EPS8: variants seen among roughly 807,000 people sequenced by gnomAD.
The protein encoded by EPS8 is epidermal growth factor receptor kinase substrate 8.
In EPS8, 42 loss-of-function variants were observed where a neutral mutation model predicts 103.8. The observed-to-expected ratio is 0.40, with a 90% CI of 0.32 to 0.52. The LOEUF (loss-of-function observed/expected upper bound fraction) is 0.52, where lower values mean the gene tolerates loss of function less well. EPS8 is among the 20% of genes least tolerant of loss of function. The pLI, the probability that EPS8 is intolerant of heterozygous loss-of-function variation, is 0.40. For synonymous variants in EPS8, 344 were observed against 344.6 expected (o/e 1.00, Z 0.02); for missense variants, 969 against 1,005.1 (o/e 0.96, Z 0.49).
At chr12:15,770,876 A>G in intron 1 of EPS8, among the ~76,000 whole-genome samples, 1 of 152,322 alleles carries the variant, frequency 6.6e-6, no homozygotes, top group African/African-American at 2.4e-5. Context: ...AAGATGCAAG[A>G]AAAAATTCAT....
At chr12:15,639,803 A>T (rs2135751787) in intron 17 of EPS8, among the ~76,000 whole-genome samples, 1 of 152,318 alleles carries the variant, frequency 6.6e-6, no homozygotes, top group South Asian at 2.1e-4. Context: ...TAACTATTTC[A>T]CTGCATATTC....
At chr12:15,657,845 C>A in intron 12 of EPS8, 1 of 450,698 alleles carries the variant, frequency 2.2e-6, no homozygotes, top group Admixed American at 3.9e-5. Flanking sequence ...TTTTCATATC[C>A]CTAGCACTGT....
At chr12:15,622,745 G>C (rs1396612982) in intron 20 of EPS8, among the ~76,000 whole-genome samples, 1 of 151,524 alleles carries the variant, frequency 6.6e-6, no homozygotes, top group Non-Finnish European at 1.5e-5. Flanking sequence ...CACACAGCCA[G>C]GGTTTTACAA....
intron 15 of EPS8, among the ~76,000 whole-genome samples, chr12:15,642,759 A>G (rs1265440264): frequency 6.6e-6 from 1 of 152,188 alleles, no homozygotes; most frequent in East Asian, 1.9e-4. Flanking sequence ...TAAAGTTGCC[A>G]TTCTTTTTGC....
At chr12:15,685,453 G>A (rs1271016658) in intron 1 of EPS8, among the ~76,000 whole-genome samples, 2 of 152,034 alleles carry the variant, frequency 1.3e-5, no homozygotes, top group African/African-American at 2.4e-5. Flanking sequence ...TCTGGTTTGC[G>A]TTTTAAAACC....
intron 8 of EPS8, among the ~76,000 whole-genome samples, chr12:15,663,050 A>G (rs1023523184): frequency 6.6e-6 from 1 of 151,744 alleles, no homozygotes; most frequent in Non-Finnish European, 1.5e-5. Context: ...ATGAAACTTA[A>G]TTAGCGGCTG....
At position 15,631,442 on chromosome 12, in the gene EPS8, G is replaced by C. The variant is rs771713111; in HGVS notation, c.2044C>G (p.Arg682Gly). Residue 682 changes from arginine (R) to glycine (G), a missense_variant and splice_region_variant, in exon 18 of 21, where the codon CGA becomes GGA. Arg to Gly is a moderately radical substitution (Grantham distance 125, BLOSUM62 -2). Coordinates refer to ENST00000281172, the MANE Select transcript of EPS8 (RefSeq NM_004447.6). ...SQRHKQLPVDRRKSQMEEVQD... is the reference protein window; with the variant it reads ...SQRHKQLPVDGRKSQMEEVQD... ...TTTTTTGCCTCCCTGGGAAACTTAC[G>C]GTCCACCGGAAGTTGTTTGTGTCTC... 2.5e-6 allele frequency: 4 copies of C among 1,613,726 alleles called. No individual in the cohort carries two copies. The South Asian group carries it at 4.4e-5, about 18-fold the overall frequency.
At chr12:15,718,227 C>T (rs1946554374) in intron 1 of EPS8, among the ~76,000 whole-genome samples, 1 of 152,110 alleles carries the variant, frequency 6.6e-6, no homozygotes, top group African/African-American at 2.4e-5. Flanking sequence ...TCCAATACCC[C>T]AGAACATTTT....
Position 15,771,259 on chromosome 12 carries a change from G to C in EPS8, c.-22+17902C>G, listed in dbSNP as rs1473817538. Among the ~76,000 whole-genome samples the C allele has an allele frequency of 1.3e-5, 2 of 152,216 alleles. No homozygotes were observed. Among genetic ancestry groups the C allele is most frequent in the African/African-American group, 4.8e-5 (2 of 41,450 alleles). ...GGAAAACTGAAGTATACAGATGAAA[G>C]TGTATAGTACCTCACTTTGGCTAAT... On this transcript the variant is annotated intron_variant, in intron 1 of 20. Transcript: ENST00000281172. This position sits in a 1 kb window ranked among gnomAD's most constrained non-coding sequence, Gnocchi z 4.6.
At chr12:15,692,319 GTTT>G (rs56016545) in intron 1 of EPS8, among the ~76,000 whole-genome samples, 81,222 of 121,590 alleles carry the variant, frequency 0.67, 25,887 homozygotes, top group East Asian at 0.83. Context: ...AAGAGGTTTG[GTTT>G]TTTTTTTTTT....
rs1252701074 is a variant in EPS8, at chr12:15,728,884, G to GA, written c.-21-45913dup. Reference sequence around the variant, plus strand: ...TGAAAAGACAAGCCACAGACTAGCAGAAAATATTTGTAAATCCATCTTTTT... The same window carrying GA: ...TGAAAAGACAAGCCACAGACTAGCAGAAAAATATTTGTAAATCCATCTTTTT... On this transcript the variant is annotated intron_variant, in intron 1 of 20. Coordinates refer to ENST00000281172, the MANE Select transcript of EPS8 (RefSeq NM_004447.6). The surrounding 1 kb of genome is among the most constrained non-coding windows in gnomAD (Gnocchi z 4.5). 1.3e-5 allele frequency among the ~76,000 whole-genome samples: 2 copies of GA among 152,164 alleles called. No homozygotes were observed. Among genetic ancestry groups the GA allele is most frequent in the Non-Finnish European group, 2.9e-5 (2 of 68,018 alleles).
intron 9 of EPS8, 40 bp from the exon 10 acceptor site, chr12:15,660,780 T>A: frequency 8.2e-7 from 1 of 1,221,364 alleles, no homozygotes; most frequent in Non-Finnish European, 1.2e-6. Context: ...AAAACAAAAC[T>A]ATTTTTACCT....
At chr12:15,766,160 T>C (rs1394312096) in intron 1 of EPS8, among the ~76,000 whole-genome samples, 2 of 151,448 alleles carry the variant, frequency 1.3e-5, no homozygotes, top group Non-Finnish European at 2.9e-5. Flanking sequence ...CAGTTTGTTT[T>C]AGTGTTTAAA....
intron 1 of EPS8, among the ~76,000 whole-genome samples, chr12:15,699,220 AAAT>A (rs1374342661): frequency 6.6e-6 from 1 of 152,240 alleles, no homozygotes; most frequent in Non-Finnish European, 1.5e-5. Context: ...CAGCTATTGG[AAAT>A]AATAAAAACT....
At position 15,621,262 on chromosome 12, in the gene EPS8, C is replaced by G. The variant is rs1446798946; in HGVS notation, c.*55G>C. On this transcript the variant is annotated 3_prime_UTR_variant, in exon 21 of 21. Coordinates refer to ENST00000281172, the MANE Select transcript of EPS8 (RefSeq NM_004447.6). ...ACATTCCCTTCAAGGCTTCTTAAAA[C>G]AAAGCATGTTGGAATAATGCCAAAA... 4 of 891,928 alleles carry G rather than the reference C, an allele frequency of 4.5e-6. No individual in the cohort carries two copies. 55.3% of individuals were successfully genotyped at this position (891,928 alleles called of 1,614,324 possible).
At chr12:15,641,669 TA>T in intron 16 of EPS8, 52 bp downstream of exon 16, 1 of 811,866 alleles carries the variant, frequency 1.2e-6, no homozygotes, top group South Asian at 1.8e-5. Flanking sequence ...ACCAAAAGAG[TA>T]ATACAATAAA....
chr12:15,665,756 A>G lies in EPS8; in HGVS notation c.736T>C (p.Phe246Leu), dbSNP rs200403894. ...WSAWAADQGD[F>L]EKPRQYHEQE... is the part of the protein sequence containing the mutation. ...AAGTATTAATTCTAGGAAGACTCACAGTCCCCTTGGTCGGCTGCCCATGCA... is the reference window on the plus strand; with the variant it reads ...AAGTATTAATTCTAGGAAGACTCACGGTCCCCTTGGTCGGCTGCCCATGCA... The change falls in exon 8 of 21, where the codon TTT becomes CTT. Residue 246 changes from phenylalanine to leucine, a missense_variant and splice_region_variant. Phe to Leu is a conservative substitution (Grantham distance 22, BLOSUM62 0). Coordinates refer to ENST00000281172, the MANE Select transcript of EPS8 (RefSeq NM_004447.6). 1.5e-5 allele frequency: 24 copies of G among 1,613,494 alleles called. No individual in the cohort carries two copies. In the Admixed American group the frequency reaches 3.7e-4, roughly 25 times the overall value.
intron 14 of EPS8, among the ~76,000 whole-genome samples, chr12:15,649,176 C>T (rs1214093476): frequency 1.3e-5 from 2 of 152,214 alleles, no homozygotes; most frequent in Middle Eastern, 6.8e-3. Flanking sequence ...TAAGGATTCT[C>T]AATAATTCCT....
chr12:15,666,453 G>A lies in EPS8; in HGVS notation c.586C>T (p.Pro196Ser), dbSNP rs1265575452. Reference protein sequence around the residue: ...DSKGGKQKRRPDALRMISNAD... With the variant: ...DSKGGKQKRRSDALRMISNAD... ...CAATGCTTTTACCTCAGGGCGTCGGGCCGCCTCTTCTGTTTCCCTCCTTTA... is the reference window on the plus strand; with the variant it reads ...CAATGCTTTTACCTCAGGGCGTCGGACCGCCTCTTCTGTTTCCCTCCTTTA... The change falls in exon 7 of 21, where the codon CCC becomes TCC. Residue 196 changes from proline to serine, a missense_variant. Transcript: ENST00000281172. The A allele has an allele frequency of 6.2e-7, 1 of 1,612,970 alleles. No individual in the cohort carries two copies. Among genetic ancestry groups the A allele is most frequent in the Non-Finnish European group, 8.5e-7 (1 of 1,179,048 alleles).
Sources: gnomAD v4.1 joint callset for allele counts (sites outside exome capture counted in the v4.1 genomes callset) on GRCh38, gnomAD v4.1.1 for gene constraint, Gnocchi (gnomAD v3.1) non-coding constraint, MANE v1.5 for transcripts, NCBI Gene and HGNC (gene_info 2026-07-23, HGNC 2026-07-21) for gene names.